CCDC158: variants seen among roughly 807,000 people sequenced by gnomAD.
CCDC158 encodes coiled-coil domain-containing protein 158.
In CCDC158, 116 loss-of-function variants were observed where a neutral mutation model predicts 138.6. The ratio of observed to expected loss-of-function variants is 0.84; its 90% CI spans 0.72 to 0.98. The LOEUF (loss-of-function observed/expected upper bound fraction) is 0.98. CCDC158 is among the 50% of genes least tolerant of loss of function. The pLI, the probability that CCDC158 is intolerant of heterozygous loss-of-function variation, is 0.00. For synonymous variants in CCDC158, 436 were observed against 442.4 expected, an observed-to-expected ratio of 0.99 and a Z score of 0.18; for missense variants, 1,265 against 1,306.1, an observed-to-expected ratio of 0.97 and a Z score of 0.48.
At chr4:76,367,201 T>G (rs1032210101) in intron 12 of CCDC158, 93 bp downstream of exon 12, 9 of 1,341,692 alleles carry the variant, frequency 6.7e-6, no homozygotes, top group Non-Finnish European at 8.2e-6. Context: ...AGTTTCAGAG[T>G]GTCCACAGAT....
At chr4:76,382,118 C>T (rs74994876) in intron 8 of CCDC158, among the ~76,000 whole-genome samples, 1,532 of 152,262 alleles carry the variant, frequency 0.01, 20 homozygotes, top group African/African-American at 0.034. Context: ...ATGCTTTTCC[C>T]GTGATAGCGA....
At chr4:76,384,829 T>C (rs1189141160) in intron 4 of CCDC158, among the ~76,000 whole-genome samples, 164 bp from the exon 5 acceptor site, 1 of 152,250 alleles carries the variant, frequency 6.6e-6, no homozygotes, top group African/African-American at 2.4e-5. Context: ...GCTTAGATTA[T>C]GAGAATACCT....
chr4:76,329,038 C>T, intron 21 of CCDC158, 71 bp from the exon 22 acceptor site: 1 of 1,202,430 alleles, frequency 8.3e-7, no homozygotes. Context: ...TAGATAGAAG[C>T]AAGTGAACAC....
intron 20 of CCDC158, among the ~76,000 whole-genome samples, chr4:76,331,691 G>GGTCC (rs147494476): frequency 1.3e-3 from 198 of 152,272 alleles, no homozygotes; most frequent in African/African-American, 4.6e-3. Flanking sequence ...GAACTTTTGG[G>GGTCC]AATCAGGAGG....
chr4:76,327,863 C>T (rs1207150052), intron 22 of CCDC158, among the ~76,000 whole-genome samples: 2 of 152,168 alleles, frequency 1.3e-5, no homozygotes, highest in African/African-American at 2.4e-5. Context: ...CATTCTTTCT[C>T]ATTTATTTTG....
chr4:76,324,867 G>A (rs185828411), intron 23 of CCDC158, among the ~76,000 whole-genome samples: 23 of 152,288 alleles, frequency 1.5e-4, no homozygotes, highest in East Asian at 3.9e-4. Flanking sequence ...CTGCATCTGC[G>A]GGGATAGTGG....
intron 18 of CCDC158, among the ~76,000 whole-genome samples, chr4:76,341,709 T>C (rs1009013548): frequency 4.2e-4 from 64 of 152,372 alleles, no homozygotes; most frequent in Admixed American, 1.7e-3. Flanking sequence ...TATGTATGTA[T>C]ATGTGTATGT....
rs757753656 is a variant in CCDC158, at chr4:76,382,666, T to A, written c.858A>T (p.Lys286Asn). 2 of 1,613,750 alleles carry A rather than the reference T, an allele frequency of 1.2e-6. No homozygotes were observed. Among genetic ancestry groups the A allele is most frequent in the African/African-American group, 2.7e-5 (2 of 75,040 alleles). The change falls in exon 8 of 25, where the codon AAA (lysine) becomes AAT (asparagine). Residue 286 changes from lysine to asparagine, a missense_variant. Lys to Asn is a moderately conservative substitution (Grantham distance 94, BLOSUM62 0). Coordinates refer to ENST00000682701, the MANE Select transcript of CCDC158 (RefSeq NM_001394954.1). ...HEVEITGLTEKASSARSQANS... is the reference protein window; with the variant it reads ...HEVEITGLTENASSARSQANS... ...TGGCTTGGCTTCGAGCACTGCTAGC[T>A]TTCTCAGTAAGTCCTGTTATTTCAA...
chr4:76,342,583 C>T (rs1228063788), intron 18 of CCDC158, among the ~76,000 whole-genome samples: 5 of 151,990 alleles, frequency 3.3e-5, no homozygotes, highest in Non-Finnish European at 7.4e-5. Context: ...AATGAAGGGG[C>T]AATGTAGAAC....
At chr4:76,359,779 A>C (rs1723950750) in intron 13 of CCDC158, among the ~76,000 whole-genome samples, 1 of 152,220 alleles carries the variant, frequency 6.6e-6, no homozygotes, top group Non-Finnish European at 1.5e-5. Flanking sequence ...TTTAAAAGGG[A>C]AGTAGAGCAT....
chr4:76,362,342 T>C (rs776871307), intron 12 of CCDC158, 27 bp from the exon 13 acceptor site: 2 of 1,546,614 alleles, frequency 1.3e-6, no homozygotes, highest in Non-Finnish European at 1.8e-6. Context: ...ATACAAAGGA[T>C]AGAGAAGTAA....
At chr4:76,413,968 G>A (rs1482636864) in intron 1 of CCDC158, among the ~76,000 whole-genome samples, 2 of 151,962 alleles carry the variant, frequency 1.3e-5, no homozygotes, top group East Asian at 3.8e-4. Flanking sequence ...TTGAGACAGG[G>A]TCTCACTTTG....
In CCDC158 at chr4:76,369,484, C is replaced by A. The variant is rs376921286; in HGVS notation, c.1289G>T (p.Arg430Leu). 6.2e-7 allele frequency: 1 copy of A among 1,614,166 alleles called. No homozygotes were observed. Among genetic ancestry groups the A allele is most frequent in the Non-Finnish European group, 8.5e-7 (1 of 1,180,030 alleles). ...ELDNRNMEVQRLEALLKALKS... is the reference protein window; with the variant it reads ...ELDNRNMEVQLLEALLKALKS... ...CAAGGCCTTGAGCAGGGCTTCCAGG[C>A]GCTGCACCTCCATGTTCCGGTTGTC... The change falls in exon 11 of 25, where the codon CGC becomes CTC. Residue 430 changes from arginine (R) to leucine (L), a missense_variant. Coordinates refer to ENST00000682701, the MANE Select transcript of CCDC158 (RefSeq NM_001394954.1).
In CCDC158 at chr4:76,369,673, G is replaced by C. The variant is rs764330823; in HGVS notation, c.1150-50C>G. 6.0e-6 allele frequency: 9 copies of C among 1,496,156 alleles called. No individual in the cohort carries two copies. In the Admixed American group the frequency reaches 1.2e-4, roughly 20 times the overall value. 92.7% of individuals were successfully genotyped at this position (1,496,156 alleles called of 1,614,324 possible). On this transcript the variant is annotated intron_variant, in intron 10 of 24. Coordinates refer to ENST00000682701, the MANE Select transcript of CCDC158 (RefSeq NM_001394954.1). ...TTCCTCCCTGCTATTAAATAATTAA[G>C]ATAAAACATATTGTCTTTATATCAT...
At chr4:76,384,711 T>A (rs772476285) in intron 4 of CCDC158, 46 bp from the exon 5 acceptor site, 33 of 1,309,144 alleles carry the variant, frequency 2.5e-5, no homozygotes, top group Non-Finnish European at 3.6e-5. Flanking sequence ...GAGAAACACA[T>A]TTCCTTATAG....
At chr4:76,375,670 GT>G (rs1219816664) in intron 9 of CCDC158, 4 of 699,058 alleles carry the variant, frequency 5.7e-6, no homozygotes, top group Non-Finnish European at 1.0e-5. Context: ...GCTTCTACTG[GT>G]CCAAATTCGT....
rs548250747 is a variant in CCDC158 at position 76,354,265 on chromosome 4, A to T, written c.2287-984T>A. ...AAAAAAAAAAAAAAAAAGGAGAAAG[A>T]AAAAAGTGAATTCAGGATAAGAGAA... On this transcript the variant is annotated intron_variant, in intron 15 of 24. Coordinates refer to ENST00000682701, the MANE Select transcript of CCDC158 (RefSeq NM_001394954.1). Among the ~76,000 whole-genome samples the T allele has an allele frequency of 4.6e-5, 7 of 151,610 alleles. No individual in the cohort carries two copies. In the East Asian group the frequency reaches 1.4e-3, roughly 29 times the overall value.
At chr4:76,371,634 C>T in intron 9 of CCDC158, 98 bp from the exon 10 acceptor site, 1 of 1,459,808 alleles carries the variant, frequency 6.9e-7, no homozygotes, top group South Asian at 1.3e-5. Flanking sequence ...ATTTTGAGAA[C>T]AAAAATAAAA....
chr4:76,359,389 G>A (rs77402042), intron 13 of CCDC158, among the ~76,000 whole-genome samples: 7,139 of 152,272 alleles, frequency 0.047, 258 homozygotes, highest in Admixed American at 0.081. Context: ...GATACAGGTT[G>A]TAACAGTTTG....
Sources: allele counts gnomAD v4.1 joint callset (sites outside exome capture counted in the v4.1 genomes callset), GRCh38; gene constraint gnomAD v4.1.1; transcripts MANE v1.5; gene names NCBI Gene and HGNC (gene_info 2026-07-23, HGNC 2026-07-21).